Variants in CEP89 observed in about 807,000 individuals in gnomAD.
The protein encoded by CEP89 is centrosomal protein of 89 kDa.
Under a neutral mutation model 97.6 loss-of-function variants are expected in CEP89, and 95 were observed. That is an observed-to-expected ratio of 0.97 (90% CI 0.82 to 1.15). CEP89 has a LOEUF of 1.15. CEP89 is among the 50% of genes most tolerant of loss of function. CEP89 has a pLI of 0.00. For missense variants in CEP89, 869 were observed against 947.7 expected, an observed-to-expected ratio of 0.92 and a Z score of 1.09; for synonymous variants, 354 against 349.1, an observed-to-expected ratio of 1.01 and a Z score of -0.16.
At chr19:32,916,528 C>G (rs1970130295) in intron 13 of CEP89, among the ~76,000 whole-genome samples, 1 of 152,144 alleles carries the variant, frequency 6.6e-6, no homozygotes, top group South Asian at 2.1e-4. Flanking sequence ...AAACTAAGAA[C>G]TGGATTTATT....
intron 4 of CEP89, among the ~76,000 whole-genome samples, chr19:32,949,700 T>C (rs529229011): frequency 1.3e-5 from 2 of 152,190 alleles, no homozygotes; most frequent in Admixed American, 1.3e-4. Flanking sequence ...AGTTGTTACA[T>C]GGTAAACTGT....
chr19:32,952,191 T>C (rs888470286), intron 4 of CEP89, among the ~76,000 whole-genome samples: 2 of 152,008 alleles, frequency 1.3e-5, no homozygotes, highest in Non-Finnish European at 2.9e-5. Context: ...ATTTAAAATG[T>C]ATTTTAGGGC....
chr19:32,881,822 T>C (rs767901750), intron 18 of CEP89, 22 bp downstream of exon 18: 3 of 1,583,514 alleles, frequency 1.9e-6, no homozygotes, highest in South Asian at 1.1e-5. Context: ...CTGCGGGCCA[T>C]GGCGCAGGGC....
chr19:32,966,971 G>T (rs1165630343), intron 1 of CEP89, among the ~76,000 whole-genome samples: 1 of 152,118 alleles, frequency 6.6e-6, no homozygotes, highest in Non-Finnish European at 1.5e-5. Flanking sequence ...GACTACAGAT[G>T]TTCACCACCA....
chr19:32,969,454 C>T (rs1971352947), intron 1 of CEP89: 1 of 152,198 alleles, frequency 6.6e-6, no homozygotes, highest in Non-Finnish European at 1.5e-5. Context: ...CTGGGGACCC[C>T]ACCCCCTTCC....
intron 17 of CEP89, among the ~76,000 whole-genome samples, chr19:32,883,586 A>C (rs1312814101): frequency 6.6e-6 from 1 of 152,068 alleles, no homozygotes; most frequent in African/African-American, 2.4e-5. Flanking sequence ...GAGGCAGGAG[A>C]ATTGCTTGAA....
intron 4 of CEP89, among the ~76,000 whole-genome samples, chr19:32,950,326 A>AG (rs1970883903): frequency 6.6e-6 from 1 of 152,182 alleles, no homozygotes; most frequent in Non-Finnish European, 1.5e-5. Flanking sequence ...TGGGAGGCTA[A>AG]GGCAGGCGGA....
intron 18 of CEP89, among the ~76,000 whole-genome samples, chr19:32,881,129 C>A (rs1195964087): frequency 6.6e-6 from 1 of 152,148 alleles, no homozygotes; most frequent in African/African-American, 2.4e-5. Flanking sequence ...CAGGCCCTGA[C>A]TGCAGTGAAT....
Position 32,918,352 on chromosome 19 carries a change from T to A in CEP89, c.1269-13A>T. The stretch of plus-strand genomic sequence containing the variant: ...CTGAAGCTGACGCCTGCAATTGATT[T>A]ACAAGATGAAATACTGTGATTCAGG... On this transcript the variant is annotated splice_polypyrimidine_tract_variant and intron_variant, in intron 12 of 18. Coordinates refer to ENST00000305768, the MANE Select transcript of CEP89 (RefSeq NM_032816.5). 1 of 1,586,304 alleles carries A rather than the reference T, an allele frequency of 6.3e-7. No individual in the cohort carries two copies. The highest frequency in any genetic ancestry group is 8.7e-7 in the Non-Finnish European group (1 of 1,154,640).
chr19:32,964,032 C>T (rs1200128173), intron 2 of CEP89, among the ~76,000 whole-genome samples: 1 of 151,770 alleles, frequency 6.6e-6, no homozygotes, highest in Non-Finnish European at 1.5e-5. Flanking sequence ...GACTCATATA[C>T]TGTTGGTGGG....
chr19:32,927,838 G>A (rs1970392857), intron 9 of CEP89, among the ~76,000 whole-genome samples: 1 of 147,902 alleles, frequency 6.8e-6, no homozygotes. Flanking sequence ...CTCCTGGCCT[G>A]AAGTGATCCT....
chr19:32,927,934 T>C (rs202093785), intron 9 of CEP89, among the ~76,000 whole-genome samples: 2 of 146,952 alleles, frequency 1.4e-5, no homozygotes, highest in Admixed American at 1.4e-4. Flanking sequence ...TTTTTTTTTT[T>C]TGAGACAGTC....
chr19:32,892,676 G>GA lies in CEP89; in HGVS notation c.1876-4836dup, dbSNP rs61294746. Reference sequence around the variant, plus strand: ...AGACGATATATTCAAAGGGCTAAAAGAAAAAAAAAAAAAAAAAACCTGTCA... The same window carrying GA: ...AGACGATATATTCAAAGGGCTAAAAGAAAAAAAAAAAAAAAAAAACCTGTCA... On this transcript the variant is annotated intron_variant, in intron 16 of 18. Transcript: ENST00000305768. Among the ~76,000 whole-genome samples the GA allele has an allele frequency of 6.1e-3, 655 of 107,390 alleles. 5 individuals carry two copies. The highest frequency in any genetic ancestry group is 0.01 in the South Asian group (35 of 3,338). 70.5% of individuals were successfully genotyped at this position (107,390 alleles called of 152,430 possible).
intron 16 of CEP89, among the ~76,000 whole-genome samples, chr19:32,897,151 A>G (rs1414406691): frequency 6.6e-6 from 1 of 152,166 alleles, no homozygotes; most frequent in Non-Finnish European, 1.5e-5. Context: ...TGTGTTCTGA[A>G]GTGCACAAGT....
chr19:32,938,168 C>A (rs983008343), intron 6 of CEP89, among the ~76,000 whole-genome samples: 14 of 152,252 alleles, frequency 9.2e-5, no homozygotes, highest in African/African-American at 3.4e-4. Context: ...CTGGTGGGCT[C>A]TCTGAGGCTA....
intron 5 of CEP89, among the ~76,000 whole-genome samples, chr19:32,940,476 T>C (rs1785158608): frequency 6.6e-6 from 1 of 151,266 alleles, no homozygotes; most frequent in African/African-American, 2.4e-5. Flanking sequence ...GGGCTCCTCC[T>C]CTCCTTCCAA....
At chr19:32,944,104 G>A (rs1970743936) in intron 5 of CEP89, among the ~76,000 whole-genome samples, 1 of 151,346 alleles carries the variant, frequency 6.6e-6, no homozygotes, top group African/African-American at 2.4e-5. Flanking sequence ...ATGCACACCT[G>A]TAGTCCCAGC....
chr19:32,963,573 C>A (rs1290078718), intron 2 of CEP89: 1 of 152,158 alleles, frequency 6.6e-6, no homozygotes, highest in African/African-American at 2.4e-5. Context: ...AGCACACTAT[C>A]AGCACTCATG....
chr19:32,881,405 A>G (rs977944763), intron 18 of CEP89, among the ~76,000 whole-genome samples: 2 of 152,016 alleles, frequency 1.3e-5, no homozygotes, highest in Admixed American at 6.6e-5. Context: ...GCTCATGCCT[A>G]TAATCCCAGC....
Sources: gnomAD v4.1 joint callset for allele counts (sites outside exome capture counted in the v4.1 genomes callset) on GRCh38, gnomAD v4.1.1 for gene constraint, MANE v1.5 for transcripts, NCBI Gene and HGNC (gene_info 2026-07-23, HGNC 2026-07-21) for gene names.